MAML3: variants seen among roughly 807,000 people sequenced by gnomAD.
MAML3 encodes the protein mastermind-like protein 3.
In MAML3, 27 loss-of-function variants were observed where a neutral mutation model predicts 101.9. That is an observed-to-expected ratio of 0.27 (90% CI 0.20 to 0.37). The LOEUF (loss-of-function observed/expected upper bound fraction) is 0.37. MAML3 is among the 10% of genes least tolerant of loss of function. The pLI is 1.00. For missense variants in MAML3, 1,316 were observed against 1,444.9 expected, an observed-to-expected ratio of 0.91 and a Z score of 1.45; for synonymous variants, 501 against 555.9, an observed-to-expected ratio of 0.90 and a Z score of 1.39.
At chr4:140,129,936 G>A (rs377130795) in intron 1 of MAML3, among the ~76,000 whole-genome samples, 8 of 150,756 alleles carry the variant, frequency 5.3e-5, no homozygotes, top group African/African-American at 2.0e-4. Flanking sequence ...CTGCACTCCA[G>A]CCTGGGTGAC....
At chr4:139,946,189 G>A (rs939457236) in intron 1 of MAML3, among the ~76,000 whole-genome samples, 2 of 152,162 alleles carry the variant, frequency 1.3e-5, no homozygotes, top group Non-Finnish European at 1.5e-5. Context: ...AAAACTTACT[G>A]TGTGCAAGGT....
At chr4:140,147,121 G>A (rs936424155) in intron 1 of MAML3, among the ~76,000 whole-genome samples, 2 of 106,436 alleles carry the variant, frequency 1.9e-5, no homozygotes, top group Non-Finnish European at 1.8e-5. Context: ...GGCAGAGTGA[G>A]ACTCCATCTC....
At chr4:139,776,539 C>T (rs922742153) in intron 2 of MAML3, among the ~76,000 whole-genome samples, 6 of 152,242 alleles carry the variant, frequency 3.9e-5, no homozygotes, top group Admixed American at 3.9e-4. Context: ...GCTGCAGCCA[C>T]TGGCCATTTT....
At chr4:139,965,429 T>C (rs2110781710) in intron 1 of MAML3, among the ~76,000 whole-genome samples, 1 of 152,276 alleles carries the variant, frequency 6.6e-6, no homozygotes, top group South Asian at 2.1e-4. Flanking sequence ...CTGCAGAAAA[T>C]ACTAAAACAT....
intron 2 of MAML3, among the ~76,000 whole-genome samples, chr4:139,813,032 C>T (rs1033852568): frequency 6.5e-5 from 9 of 137,974 alleles, no homozygotes; most frequent in African/African-American, 2.4e-4. Flanking sequence ...TAAAAATAAA[C>T]ATTTAGAAAA....
chr4:139,871,089 CAT>C (rs1731998881), intron 2 of MAML3, among the ~76,000 whole-genome samples: 1 of 152,004 alleles, frequency 6.6e-6, no homozygotes, highest in Non-Finnish European at 1.5e-5. Flanking sequence ...ATCATTTTTT[CAT>C]GGTATATCAT....
intron 1 of MAML3, among the ~76,000 whole-genome samples, chr4:139,939,505 G>A (rs1254188281): frequency 6.6e-6 from 1 of 151,800 alleles, no homozygotes; most frequent in Non-Finnish European, 1.5e-5. Context: ...ACCTCCCCTG[G>A]TCAGCTCTCT....
intron 1 of MAML3, among the ~76,000 whole-genome samples, chr4:140,034,855 A>G (rs1726959395): frequency 6.6e-6 from 1 of 152,222 alleles, no homozygotes; most frequent in Admixed American, 6.5e-5. Context: ...ATCAAATAAC[A>G]TATTGATGGA....
intron 2 of MAML3, among the ~76,000 whole-genome samples, chr4:139,749,515 T>C (rs1729430687): frequency 6.6e-6 from 1 of 152,144 alleles, no homozygotes; most frequent in Non-Finnish European, 1.5e-5. Flanking sequence ...CAACAGGAAC[T>C]ATTTCCTTTG....
chr4:140,050,331 C>G (rs977536316), intron 1 of MAML3, among the ~76,000 whole-genome samples: 1 of 152,068 alleles, frequency 6.6e-6, no homozygotes, highest in Admixed American at 6.6e-5. Context: ...TTCTTTCGTT[C>G]GTAGAGAAAA....
chr4:140,049,190 G>A (rs892083749), intron 1 of MAML3, among the ~76,000 whole-genome samples: 1 of 152,122 alleles, frequency 6.6e-6, no homozygotes, highest in African/African-American at 2.4e-5. Context: ...AGTACAGCAA[G>A]GCATATTAGG....
At chr4:140,151,196 G>A (rs1411135269) in intron 1 of MAML3, among the ~76,000 whole-genome samples, 3 of 152,088 alleles carry the variant, frequency 2.0e-5, no homozygotes, top group African/African-American at 7.2e-5. Context: ...GGCTGGAGGA[G>A]GAGGAAGGGA....
chr4:140,077,612 G>C (rs957169762), intron 1 of MAML3, among the ~76,000 whole-genome samples: 2 of 152,164 alleles, frequency 1.3e-5, no homozygotes. Context: ...TTACAGTTGC[G>C]GTGGGGTTTG....
At chr4:139,998,942 C>T (rs967152861) in intron 1 of MAML3, among the ~76,000 whole-genome samples, 5 of 152,176 alleles carry the variant, frequency 3.3e-5, no homozygotes, top group Admixed American at 1.3e-4. Context: ...TGATCAAACA[C>T]CTTGAGCCAG....
intron 1 of MAML3, among the ~76,000 whole-genome samples, chr4:139,901,027 C>T (rs148381069): frequency 6.6e-6 from 1 of 152,312 alleles, no homozygotes; most frequent in African/African-American, 2.4e-5. Flanking sequence ...TGCTATTTTG[C>T]ATCTGATGAC....
At chr4:139,729,156 C>CAAAAAAAAAAAAAA (rs4057275) in intron 3 of MAML3, among the ~76,000 whole-genome samples, 3 of 81,704 alleles carry the variant, frequency 3.7e-5, no homozygotes, top group Non-Finnish European at 6.9e-5. Flanking sequence ...GGAACAAAAG[C>CAAAAAAAAAAAAAA]AAAAAAAAAA....
intron 4 of MAML3, among the ~76,000 whole-genome samples, chr4:139,721,667 T>G (rs1728238956): frequency 6.6e-6 from 1 of 152,216 alleles, no homozygotes; most frequent in Non-Finnish European, 1.5e-5. Context: ...GTCTCAAGTT[T>G]TTGTGGCTTG....
At chr4:139,823,507 C>CA (rs1317926102) in intron 2 of MAML3, among the ~76,000 whole-genome samples, 2 of 152,140 alleles carry the variant, frequency 1.3e-5, no homozygotes, top group South Asian at 2.1e-4. Flanking sequence ...TGTGTGTCTG[C>CA]ATGTGCGTGT....
At chr4:139,797,754 AC>A (rs1730536545) in intron 2 of MAML3, among the ~76,000 whole-genome samples, 1 of 152,036 alleles carries the variant, frequency 6.6e-6, no homozygotes. Flanking sequence ...TATCCCCTGC[AC>A]CCCCCAAAAA....
Sources: gnomAD v4.1 joint callset for allele counts (sites outside exome capture counted in the v4.1 genomes callset) on GRCh38, gnomAD v4.1.1 for gene constraint, MANE v1.5 for transcripts, NCBI Gene and HGNC (gene_info 2026-07-23, HGNC 2026-07-21) for gene names.